The following GSDMC variants were observed in gnomAD, a reference collection of about 807,000 sequenced individuals.
The protein encoded by GSDMC is gasdermin-C.
Under a neutral mutation model 58.0 loss-of-function variants are expected in GSDMC, and 59 were observed. The observed-to-expected ratio is 1.02, with a 90% CI of 0.82 to 1.26. The LOEUF (loss-of-function observed/expected upper bound fraction) is 1.26. GSDMC is among the 50% of genes most tolerant of loss of function. The probability of loss-of-function intolerance (pLI) is 0.00; values close to 1 mark genes in which losing one functional copy is unlikely to be tolerated. For synonymous variants in GSDMC, 241 were observed against 220.2 expected, an observed-to-expected ratio of 1.09 and a Z score of -0.83; for missense variants, 659 against 598.5, an observed-to-expected ratio of 1.10 and a Z score of -1.06.
chr8:129,737,226 T>G, the GSDMC span, among the ~76,000 whole-genome samples: 1 of 152,140 alleles, frequency 6.6e-6, no homozygotes, highest in African/African-American at 2.4e-5. Context: ...CAAGGTAATT[T>G]ATAGATTCAA....
chr8:129,733,847 C>T, the GSDMC span, among the ~76,000 whole-genome samples: 2 of 152,188 alleles, frequency 1.3e-5, no homozygotes, highest in African/African-American at 4.8e-5. Flanking sequence ...CAGAAGTAGA[C>T]TTCACAAGGT....
intron 4 of GSDMC, among the ~76,000 whole-genome samples, chr8:129,765,010 C>T (rs992096913): frequency 4.9e-4 from 75 of 152,230 alleles, no homozygotes; most frequent in African/African-American, 1.8e-3. Flanking sequence ...TTTTAAAGCT[C>T]TTAAGTAAAG....
rs954864735 is a variant in GSDMC at position 129,759,634 on chromosome 8, T to G, written c.721+911A>C. 5.9e-5 allele frequency among the ~76,000 whole-genome samples: 9 copies of G among 152,270 alleles called. No individual in the cohort carries two copies. The South Asian group carries it at 1.9e-3, about 32-fold the overall frequency. On this transcript the variant is annotated intron_variant, in intron 6 of 13. Coordinates refer to ENST00000276708, the MANE Select transcript of GSDMC (RefSeq NM_031415.3). ...AATGTGCTCAACATCACTGATCTTCTGAGAAATGCAAATCAAAACTACAAT... is the reference window on the plus strand; with the variant it reads ...AATGTGCTCAACATCACTGATCTTCGGAGAAATGCAAATCAAAACTACAAT...
At chr8:129,711,213 G>A in the GSDMC span, among the ~76,000 whole-genome samples, 46 of 152,212 alleles carry the variant, frequency 3.0e-4, no homozygotes, top group Admixed American at 7.9e-4. Context: ...CTTTACATGC[G>A]TGTACAATCA....
chr8:129,716,307 G>A, the GSDMC span, among the ~76,000 whole-genome samples: 1 of 152,128 alleles, frequency 6.6e-6, no homozygotes, highest in Admixed American at 6.6e-5. Context: ...AAATAAAAAG[G>A]TAAGAAAAGA....
chr8:129,726,613 A>C, the GSDMC span, among the ~76,000 whole-genome samples: 6 of 152,312 alleles, frequency 3.9e-5, no homozygotes, highest in African/African-American at 1.4e-4. Context: ...ATTACCTCCA[A>C]GGTATTCCTG....
chr8:129,716,389 G>T, the GSDMC span, among the ~76,000 whole-genome samples: 2 of 152,156 alleles, frequency 1.3e-5, no homozygotes, highest in Non-Finnish European at 2.9e-5. Context: ...ATTGTGAATG[G>T]GAGTTCACTC....
chr8:129,709,388 G>T, the GSDMC span, among the ~76,000 whole-genome samples: 1 of 152,116 alleles, frequency 6.6e-6, no homozygotes, highest in East Asian at 1.9e-4. Flanking sequence ...ACAGTGTTCA[G>T]CTTCAAACTC....
intron 5 of GSDMC, among the ~76,000 whole-genome samples, chr8:129,762,062 C>T (rs2033682771): frequency 6.6e-6 from 1 of 152,170 alleles, no homozygotes; most frequent in Non-Finnish European, 1.5e-5. Context: ...CCTAGGTATG[C>T]AACTGACACA....
At chr8:129,742,460 C>A in the GSDMC span, among the ~76,000 whole-genome samples, 1 of 152,094 alleles carries the variant, frequency 6.6e-6, no homozygotes, top group Non-Finnish European at 1.5e-5. Context: ...CTAATGATAT[C>A]TCACTTAGTC....
intron 6 of GSDMC, among the ~76,000 whole-genome samples, chr8:129,759,864 T>C (rs2033587778): frequency 6.6e-6 from 1 of 152,178 alleles, no homozygotes; most frequent in Admixed American, 6.5e-5. Context: ...CTGCTGGGTA[T>C]ATACACCAAA....
chr8:129,748,231 A>T lies in GSDMC; in HGVS notation c.*270T>A, dbSNP rs898078193. 2.3e-5 allele frequency: 6 copies of T among 264,998 alleles called. No homozygotes were observed. The highest frequency in any genetic ancestry group is 5.4e-5 in the Admixed American group (1 of 18,560). 16.4% of individuals were successfully genotyped at this position (264,998 alleles called of 1,614,324 possible). On this transcript the variant is annotated 3_prime_UTR_variant, in exon 14 of 14. Coordinates refer to ENST00000276708, the MANE Select transcript of GSDMC (RefSeq NM_031415.3). ...ATTTGTTTTTATTATTTTGAAGTAA[A>T]ATTTATACATAGTGAAACGCTTACG... is the stretch of plus-strand genomic sequence containing the variant.
At chr8:129,760,789 C>A (rs1243748860) in intron 5 of GSDMC, among the ~76,000 whole-genome samples, 200 bp from the exon 6 acceptor site, 2 of 152,182 alleles carry the variant, frequency 1.3e-5, no homozygotes, top group African/African-American at 2.4e-5. Flanking sequence ...ACTTTGCCAT[C>A]CAACTTTTGG....
the GSDMC span, among the ~76,000 whole-genome samples, chr8:129,709,847 T>C: frequency 6.6e-6 from 1 of 152,036 alleles, no homozygotes; most frequent in Non-Finnish European, 1.5e-5. Flanking sequence ...TGCTCTTCCC[T>C]CTGTCTGAAA....
In GSDMC at chr8:129,760,485, A is replaced by G. The variant is rs1477419932; in HGVS notation, c.721+60T>C. 4 of 906,794 alleles carry G rather than the reference A, an allele frequency of 4.4e-6. No homozygotes were observed. In the East Asian group the frequency reaches 9.6e-5, roughly 22 times the overall value. 56.2% of individuals were successfully genotyped at this position (906,794 alleles called of 1,614,324 possible). A position where few individuals can be genotyped will look rare whatever the true frequency, so the allele number is the denominator to read the frequency against. The stretch of plus-strand genomic sequence containing the variant: ...AACATCTCATGTACCTTATAAATAT[A>G]CATACCTCCCATGTACTCATAAAAA... On this transcript the variant is annotated intron_variant, in intron 6 of 13. Transcript: ENST00000276708.
intron 6 of GSDMC, among the ~76,000 whole-genome samples, chr8:129,755,135 T>C (rs1008498555): frequency 1.3e-5 from 2 of 152,136 alleles, no homozygotes; most frequent in Admixed American, 1.3e-4. Flanking sequence ...ACCACGCAGA[T>C]TTAACCCAAA....
the GSDMC span, chr8:129,729,842 T>G: frequency 1.3e-6 from 1 of 749,068 alleles, no homozygotes; most frequent in Non-Finnish European, 2.3e-6. Context: ...AAAGCAAGGC[T>G]GCATCCATGC....
In GSDMC at chr8:129,776,247, T is replaced by C. The variant is rs1182234537; in HGVS notation, c.259A>G (p.Met87Val). ...VTGPFHFSDI[M>V]IQKHKADMGV... ...ATGTCAGCCTTATGCTTCTGGATCA[T>C]AATGTCACTGAAGTGGAACGGTCCT... The change falls in exon 3 of 14, where the codon ATG becomes GTG. Residue 87 changes from methionine (M) to valine (V), a missense_variant. Physicochemically the swap from Met to Val is conservative, Grantham distance 21. Coordinates refer to ENST00000276708, the MANE Select transcript of GSDMC (RefSeq NM_031415.3). The C allele has an allele frequency of 6.2e-7, 1 of 1,613,486 alleles. No homozygotes were observed. The highest frequency in any genetic ancestry group is 8.5e-7 in the Non-Finnish European group (1 of 1,179,708).
At position 129,750,541 on chromosome 8, in the gene GSDMC, G is replaced by A. The variant is rs759986457; in HGVS notation, c.973C>T (p.Gln325Ter). 1.9e-6 allele frequency: 3 copies of A among 1,613,894 alleles called. No homozygotes were observed. Among genetic ancestry groups the A allele is most frequent in the Admixed American group, 1.7e-5 (1 of 60,012 alleles). Reference sequence around the variant, plus strand: ...AGCTGAGCCAGTGTCTTTATTTTCTGGAAAACCTCCTCTTGTAGATGCTTG... The same window carrying A: ...AGCTGAGCCAGTGTCTTTATTTTCTAGAAAACCTCCTCTTGTAGATGCTTG... ...NFKHLQEEVFQKIKTLAQLSK... is the reference protein window; with the variant it reads ...NFKHLQEEVF Residue 325 changes from glutamine to a stop codon, truncating the protein, a stop_gained, in exon 11 of 14, where the codon CAG becomes TAG. Transcript: ENST00000276708. LOFTEE classifies it high-confidence loss of function.
Sources: allele counts gnomAD v4.1 joint callset (sites outside exome capture counted in the v4.1 genomes callset), GRCh38; gene constraint gnomAD v4.1.1; transcripts MANE v1.5; gene names NCBI Gene and HGNC (gene_info 2026-07-23, HGNC 2026-07-21).